TMED8: variants seen among roughly 807,000 people sequenced by gnomAD.
TMED8 encodes transmembrane p24 trafficking protein family member 8.
In TMED8, 15 loss-of-function variants were observed where a neutral mutation model predicts 32.7. That is an observed-to-expected ratio of 0.46 (90% CI 0.31 to 0.71). The LOEUF (loss-of-function observed/expected upper bound fraction) is 0.71, where lower values mean the gene tolerates loss of function less well. Among genes scored for constraint, TMED8 ranks in the 30% least tolerant of loss-of-function variants. The probability of loss-of-function intolerance (pLI) is 0.06; values close to 1 mark genes in which losing one functional copy is unlikely to be tolerated. For synonymous variants in TMED8, 147 were observed against 161.4 expected (o/e 0.91, Z 0.68); for missense variants, 390 against 423.9 (o/e 0.92, Z 0.70).
intron 1 of TMED8, among the ~76,000 whole-genome samples, chr14:77,374,051 T>C (rs965261303): frequency 6.6e-6 from 1 of 152,170 alleles, no homozygotes; most frequent in African/African-American, 2.4e-5. Context: ...TTAAAACTCT[T>C]TTCTTATAAA....
intron 1 of TMED8, among the ~76,000 whole-genome samples, chr14:77,368,799 T>C (rs958080470): frequency 1.3e-5 from 2 of 152,164 alleles, no homozygotes; most frequent in Non-Finnish European, 1.5e-5. Context: ...ATAGGAGTTT[T>C]AGATACAAAC....
At chr14:77,373,323 A>C (rs1388466057) in intron 1 of TMED8, among the ~76,000 whole-genome samples, 1 of 151,970 alleles carries the variant, frequency 6.6e-6, no homozygotes, top group African/African-American at 2.4e-5. Flanking sequence ...CAAAAACAAA[A>C]ACAAAAAAAC....
chr14:77,352,924 T>C (rs1212266675), intron 1 of TMED8, among the ~76,000 whole-genome samples: 1 of 144,802 alleles, frequency 6.9e-6, no homozygotes, highest in Non-Finnish European at 1.5e-5. Context: ...AGGACTTTTG[T>C]ATTTTCATTT....
chr14:77,350,819 A>T (rs1893159401), intron 2 of TMED8, among the ~76,000 whole-genome samples: 1 of 152,178 alleles, frequency 6.6e-6, no homozygotes, highest in South Asian at 2.1e-4. Flanking sequence ...TCAAGAAATA[A>T]TTAAATAATA....
In TMED8 at chr14:77,335,828, A is replaced by G. The variant is rs1232870348; in HGVS notation, c.*5943T>C. 2 of 152,250 alleles carry G rather than the reference A, an allele frequency of 1.3e-5. No homozygotes were observed. Among genetic ancestry groups the G allele is most frequent in the Admixed American group, 6.5e-5 (1 of 15,282 alleles). The allele number at this position is 152,250 out of a possible 1,614,324, so 9.4% of individuals were successfully genotyped here. A position where few individuals can be genotyped will look rare whatever the true frequency, so the allele number is the denominator to read the frequency against. ...AATGGAAATAATTTAGCTTGGTTAA[A>G]TGAAAGCTACTTCACTTACAGGATA... is the stretch of plus-strand genomic sequence containing the variant. On this transcript the variant is annotated 3_prime_UTR_variant, in exon 6 of 6. Coordinates refer to ENST00000216468, the MANE Select transcript of TMED8 (RefSeq NM_213601.3).
intron 1 of TMED8, among the ~76,000 whole-genome samples, chr14:77,362,782 T>C (rs7142643): frequency 0.027 from 4,106 of 152,146 alleles, 195 homozygotes; most frequent in African/African-American, 0.094. Flanking sequence ...AGTGGAAGAA[T>C]TGAAAAAGAT....
intron 1 of TMED8, among the ~76,000 whole-genome samples, chr14:77,370,070 G>A (rs1375835821): frequency 1.3e-5 from 2 of 151,950 alleles, no homozygotes; most frequent in East Asian, 3.9e-4. Context: ...TACTCGGGAG[G>A]CTGAGGCAGG....
At chr14:77,357,191 T>C (rs1378205074) in intron 1 of TMED8, among the ~76,000 whole-genome samples, 1 of 152,228 alleles carries the variant, frequency 6.6e-6, no homozygotes, top group Non-Finnish European at 1.5e-5. Context: ...GGTTCAGTTT[T>C]GTTCTTGCAA....
In TMED8 at chr14:77,376,639, C is replaced by T. The variant is rs1227479098; in HGVS notation, c.118+297G>A. The T allele has an allele frequency of 4.5e-6, 1 of 221,844 alleles. No homozygotes were observed. Among genetic ancestry groups the T allele is most frequent in the Non-Finnish European group, 8.8e-6 (1 of 113,748 alleles). The allele number at this position is 221,844 out of a possible 1,614,324, so 13.7% of individuals were successfully genotyped here. The stretch of plus-strand genomic sequence containing the variant: ...ACCCGAACCCCGGCTGAAGCTGAAA[C>T]TGAAGCTGAAGAGGCGCCAGGGGCA... On this transcript the variant is annotated intron_variant, in intron 1 of 5. Transcript: ENST00000216468. This position sits in a 1 kb window ranked among gnomAD's most constrained non-coding sequence, Gnocchi z 4.0.
chr14:77,372,939 TATATATATA>T (rs1566696510), intron 1 of TMED8, among the ~76,000 whole-genome samples: 12 of 33,924 alleles, frequency 3.5e-4, no homozygotes, highest in African/African-American at 7.3e-4. Flanking sequence ...TATATATATA[TATATATATA>T]TATATTTTTT....
At chr14:77,356,591 AG>A (rs1408678370) in intron 1 of TMED8, among the ~76,000 whole-genome samples, 1 of 152,208 alleles carries the variant, frequency 6.6e-6, no homozygotes, top group African/African-American at 2.4e-5. Flanking sequence ...ACATTCATTT[AG>A]AACAAATCTC....
intron 1 of TMED8, among the ~76,000 whole-genome samples, chr14:77,372,906 T>TTATATATA (rs1167584417): frequency 2.1e-3 from 73 of 35,300 alleles, no homozygotes; most frequent in East Asian, 4.1e-3. Flanking sequence ...GCCACAGATA[T>TTATATATA]TATATATATA....
chr14:77,369,021 T>C (rs543234747), intron 1 of TMED8, among the ~76,000 whole-genome samples: 1 of 152,358 alleles, frequency 6.6e-6, no homozygotes, highest in East Asian at 1.9e-4. Flanking sequence ...TAGGTGCTTA[T>C]GTACTACCTT....
chr14:77,346,444 T>C lies in TMED8; in HGVS notation c.232A>G (p.Thr78Ala). Residue 78 changes from threonine (T) to alanine (A), a missense_variant, in exon 3 of 6, where the codon ACG becomes GCG. By Grantham distance (58) the Thr-to-Ala change is moderately conservative. Transcript: ENST00000216468. ...CCAGTTGCTTTCCGCAGATCTTCCG[T>C]GGCATCCTTACTCACTGGAGATACC... ...QMVSPVSKDA[T>A]EDLRKATGPL... 6.2e-7 allele frequency: 1 copy of C among 1,614,188 alleles called. No individual in the cohort carries two copies. The highest frequency in any genetic ancestry group is 8.5e-7 in the Non-Finnish European group (1 of 1,180,026).
At position 77,376,603 on chromosome 14, in the gene TMED8, A is replaced by T. The variant is rs572838940; in HGVS notation, c.118+333T>A. The T allele has an allele frequency of 1.2e-4, 21 of 178,594 alleles. No homozygotes were observed. The highest frequency in any genetic ancestry group is 2.1e-4 in the Non-Finnish European group (18 of 85,676). 11.1% of individuals were successfully genotyped at this position (178,594 alleles called of 1,614,324 possible). A position where few individuals can be genotyped will look rare whatever the true frequency, so the allele number is the denominator to read the frequency against. ...TCGGCAGTCTAGATGTGATTAGCAG[A>T]CGGAGGTGGGACCCGAACCCCGGCT... On this transcript the variant is annotated intron_variant, in intron 1 of 5. Transcript: ENST00000216468. This position sits in a 1 kb window ranked among gnomAD's most constrained non-coding sequence, Gnocchi z 4.0.
In TMED8 at chr14:77,343,839, C is replaced by G. The variant is rs749332730; in HGVS notation, c.328-16G>C. On this transcript the variant is annotated splice_polypyrimidine_tract_variant and intron_variant, in intron 3 of 5. Transcript: ENST00000216468. ...ACTTAGCCATCTGCACAACAGAACT[C>G]TGGTTAAAGGAGTATTCGAGTGGCA... is the stretch of plus-strand genomic sequence containing the variant. The G allele has an allele frequency of 1.9e-6, 3 of 1,610,590 alleles. No individual in the cohort carries two copies. Among genetic ancestry groups the G allele is most frequent in the Non-Finnish European group, 2.5e-6 (3 of 1,177,972 alleles).
At chr14:77,343,068 A>C in intron 5 of TMED8, 110 bp downstream of exon 5, 1 of 1,092,392 alleles carries the variant, frequency 9.2e-7, no homozygotes. Context: ...TGTAATGCTG[A>C]GTTTCTCAAC....
Position 77,337,223 on chromosome 14 carries a change from G to A in TMED8, c.*4548C>T, listed in dbSNP as rs1892782124. The A allele has an allele frequency of 6.6e-6, 1 of 152,220 alleles. No individual in the cohort carries two copies. The allele number at this position is 152,220 out of a possible 1,614,324, so 9.4% of individuals were successfully genotyped here. On this transcript the variant is annotated 3_prime_UTR_variant, in exon 6 of 6. Coordinates refer to ENST00000216468, the MANE Select transcript of TMED8 (RefSeq NM_213601.3). ...TTGAGTTTTAATATCAGAGTCCTGA[G>A]GACATGTCATCAAGCAACAGAGGTT...
chr14:77,341,452 A>G lies in TMED8; in HGVS notation c.*319T>C, dbSNP rs1892896143. On this transcript the variant is annotated 3_prime_UTR_variant, in exon 6 of 6. Transcript: ENST00000216468. ...CAATCTGAATGATAAACCTGTGCCA[A>G]GATGAATCTATTTTTAAAAAACATC... 2.8e-6 allele frequency: 1 copy of G among 355,818 alleles called. No homozygotes were observed. Among genetic ancestry groups the G allele is most frequent in the Admixed American group, 4.3e-5 (1 of 23,114 alleles). 22.0% of individuals were successfully genotyped at this position (355,818 alleles called of 1,614,324 possible).
Sources: gnomAD v4.1 joint callset for allele counts (sites outside exome capture counted in the v4.1 genomes callset) on GRCh38, gnomAD v4.1.1 for gene constraint, Gnocchi (gnomAD v3.1) non-coding constraint, MANE v1.5 for transcripts, NCBI Gene and HGNC (gene_info 2026-07-23, HGNC 2026-07-21) for gene names.